WWP1: variants seen among roughly 807,000 people sequenced by gnomAD.
The protein encoded by WWP1 is NEDD4-like E3 ubiquitin-protein ligase WWP1.
Under a neutral mutation model 130.6 loss-of-function variants are expected in WWP1, and 49 were observed. The ratio of observed to expected loss-of-function variants is 0.38; its 90% CI spans 0.30 to 0.48. The LOEUF (loss-of-function observed/expected upper bound fraction) is 0.48. Among genes scored for constraint, WWP1 ranks in the 20% least tolerant of loss-of-function variants. The pLI, the probability that WWP1 is intolerant of heterozygous loss-of-function variation, is 0.99. For missense variants in WWP1, 809 were observed against 1,100.6 expected, an observed-to-expected ratio of 0.74 and a Z score of 3.75; for synonymous variants, 332 against 367.8, an observed-to-expected ratio of 0.90 and a Z score of 1.11.
Position 86,458,012 on chromosome 8 carries a change from T to C in WWP1, c.2486T>C (p.Ile829Thr). The change falls in exon 22 of 25, where the codon ATT becomes ACT. Residue 829 changes from isoleucine to threonine, a missense_variant. Physicochemically the swap from Ile to Thr is moderately conservative, Grantham distance 89 (BLOSUM62 -1). Transcript: ENST00000517970. ...RHYTRNSKQI[I>T]WFWQFVKETD... Reference sequence around the variant, plus strand: ...TATACAAGAAACAGCAAGCAAATCATTTGGTTTTGGCAGGTATTTGCTTTT... The same window carrying C: ...TATACAAGAAACAGCAAGCAAATCACTTGGTTTTGGCAGGTATTTGCTTTT... 6.2e-7 allele frequency: 1 copy of C among 1,611,566 alleles called. No homozygotes were observed. The highest frequency in any genetic ancestry group is 1.1e-5 in the South Asian group (1 of 90,832).
intron 5 of WWP1, among the ~76,000 whole-genome samples, chr8:86,386,202 A>G (rs1471816964): frequency 6.6e-6 from 1 of 152,142 alleles, no homozygotes; most frequent in African/African-American, 2.4e-5. Context: ...GGTATTTTCA[A>G]TAATTATACA....
At chr8:86,461,051 C>A (rs908620827) in intron 22 of WWP1, among the ~76,000 whole-genome samples, 173 bp from the exon 23 acceptor site, 1 of 151,898 alleles carries the variant, frequency 6.6e-6, no homozygotes, top group East Asian at 1.9e-4. Flanking sequence ...CCTCGTGATC[C>A]GCCTGCTTCG....
chr8:86,381,855 A>G (rs374889410), intron 5 of WWP1, among the ~76,000 whole-genome samples: 4 of 152,158 alleles, frequency 2.6e-5, no homozygotes, highest in African/African-American at 9.7e-5. Flanking sequence ...CAAGTACCCT[A>G]TTATCAGTGA....
intron 10 of WWP1, among the ~76,000 whole-genome samples, chr8:86,426,022 T>C (rs766826649): frequency 2.6e-5 from 4 of 152,234 alleles, no homozygotes; most frequent in Admixed American, 6.5e-5. Flanking sequence ...CCCACCATTT[T>C]AAAACACATT....
chr8:86,410,658 A>C (rs1808528621), intron 8 of WWP1, among the ~76,000 whole-genome samples: 1 of 147,590 alleles, frequency 6.8e-6, no homozygotes. Context: ...GGAAATTCTG[A>C]TCTTTTTTTT....
chr8:86,367,266 A>G (rs926961830), intron 1 of WWP1, among the ~76,000 whole-genome samples: 2 of 152,202 alleles, frequency 1.3e-5, no homozygotes, highest in African/African-American at 4.8e-5. Context: ...CTAGGCAGCC[A>G]ATAAGTATGT....
rs1288275110 is a variant in WWP1, at chr8:86,360,611, A to G, written c.-114-8328A>G. On this transcript the variant is annotated intron_variant, in intron 1 of 24. Transcript: ENST00000517970. ...ATGCACACCTTTGCCTCCAGAATAT[A>G]TCTCTTTGCTGTGCTGTGTCTCAGT... Among the ~76,000 whole-genome samples the G allele has an allele frequency of 1.8e-4, 28 of 152,120 alleles. 1 individual carries two copies. The highest frequency in any genetic ancestry group is 1.8e-3 in the Admixed American group (28 of 15,282).
In WWP1 at chr8:86,393,809, T is replaced by C. The variant is rs78585466; in HGVS notation, c.335-4533T>C. ...TACCTTCTGGGTTCCAACACCCTTC[T>C]GTAGTCCCCTCCCACACTGCGTCAG... On this transcript the variant is annotated intron_variant, in intron 5 of 24. Coordinates refer to ENST00000517970, the MANE Select transcript of WWP1 (RefSeq NM_007013.4). Among the ~76,000 whole-genome samples, 470 of 152,366 alleles carry C rather than the reference T, an allele frequency of 3.1e-3. 2 individuals are homozygous for C. The highest frequency in any genetic ancestry group is 0.011 in the African/African-American group (448 of 41,592).
At chr8:86,399,136 T>A (rs1006048681) in intron 7 of WWP1, among the ~76,000 whole-genome samples, 5 of 152,152 alleles carry the variant, frequency 3.3e-5, no homozygotes, top group Admixed American at 1.3e-4. Context: ...AGTGCTTTAT[T>A]TTTTTTATTG....
At chr8:86,444,366 G>A (rs1259736474) in intron 18 of WWP1, among the ~76,000 whole-genome samples, 1 of 152,216 alleles carries the variant, frequency 6.6e-6, no homozygotes, top group East Asian at 1.9e-4. Flanking sequence ...ATGTAAAAGA[G>A]ATAGTTGGAG....
intron 5 of WWP1, among the ~76,000 whole-genome samples, chr8:86,391,042 A>G (rs1027738760): frequency 1.3e-5 from 2 of 151,958 alleles, no homozygotes; most frequent in African/African-American, 2.4e-5. Context: ...CCTTGATGGT[A>G]TGTGTTATTA....
chr8:86,426,591 G>T (rs1334810783), intron 10 of WWP1, among the ~76,000 whole-genome samples: 4 of 152,128 alleles, frequency 2.6e-5, no homozygotes, highest in Non-Finnish European at 4.4e-5. Flanking sequence ...CAAATAGTTG[G>T]TTAGACTCTC....
intron 9 of WWP1, among the ~76,000 whole-genome samples, chr8:86,412,699 G>GT (rs34916683): frequency 0.73 from 106,267 of 146,330 alleles, 39,202 homozygotes; most frequent in African/African-American, 0.81. Context: ...GTGTACGTTG[G>GT]TTTTTTTTTT....
chr8:86,355,039 G>C (rs528640054), intron 1 of WWP1, among the ~76,000 whole-genome samples: 2 of 152,116 alleles, frequency 1.3e-5, no homozygotes. Context: ...TGCACAAATA[G>C]AGTTGAAGTT....
At chr8:86,367,977 G>A (rs1824065945) in intron 1 of WWP1, among the ~76,000 whole-genome samples, 1 of 152,150 alleles carries the variant, frequency 6.6e-6, no homozygotes, top group African/African-American at 2.4e-5. Flanking sequence ...ACTCCCAAAT[G>A]TTTCTTCTCC....
At chr8:86,441,649 A>T (rs890335938) in intron 17 of WWP1, among the ~76,000 whole-genome samples, 1 of 152,186 alleles carries the variant, frequency 6.6e-6, no homozygotes, top group African/African-American at 2.4e-5. Context: ...AGATTAGCAT[A>T]TACTCTGTTT....
chr8:86,380,875 T>C lies in WWP1; in HGVS notation c.209+11T>C. On this transcript the variant is annotated intron_variant, in intron 4 of 24. Coordinates refer to ENST00000517970, the MANE Select transcript of WWP1 (RefSeq NM_007013.4). ...TGAACAGCTAACTGTGTAAGTACCTTGTGTAAAGGACGGAAAATCTTCACA... is the reference window on the plus strand; with the variant it reads ...TGAACAGCTAACTGTGTAAGTACCTCGTGTAAAGGACGGAAAATCTTCACA... 3 of 1,573,248 alleles carry C rather than the reference T, an allele frequency of 1.9e-6. No homozygotes were observed. The highest frequency in any genetic ancestry group is 2.6e-6 in the Non-Finnish European group (3 of 1,164,262).
rs144657283 is a variant in WWP1 at position 86,350,000 on chromosome 8, C to T, written c.-115+7070C>T. 4.1e-3 allele frequency among the ~76,000 whole-genome samples: 630 copies of T among 152,132 alleles called. 4 individuals are homozygous for T. Among genetic ancestry groups the T allele is most frequent in the African/African-American group, 0.014 (596 of 41,514 alleles). On this transcript the variant is annotated intron_variant, in intron 1 of 24. Transcript: ENST00000517970. ...GTGAGCAACCTGTCCCCCACGCGCT[C>T]CAAGCCCCAATGGCATTTTCTGTTT...
chr8:86,364,716 G>A (rs939882485), intron 1 of WWP1, among the ~76,000 whole-genome samples: 1 of 151,698 alleles, frequency 6.6e-6, no homozygotes, highest in Non-Finnish European at 1.5e-5. Flanking sequence ...TCAGGCAGGA[G>A]GATAGCAGGA....
Sources: gnomAD v4.1 joint callset for allele counts (sites outside exome capture counted in the v4.1 genomes callset) on GRCh38, gnomAD v4.1.1 for gene constraint, MANE v1.5 for transcripts, NCBI Gene and HGNC (gene_info 2026-07-23, HGNC 2026-07-21) for gene names.